The following CDH13 variants were observed in gnomAD, a reference collection of about 807,000 sequenced individuals.
CDH13 encodes cadherin-13.
CDH13 carries 24 observed loss-of-function variants against 63.8 expected under a neutral mutation model. The observed-to-expected ratio is 0.38, with a 90% CI of 0.27 to 0.53. CDH13 has a LOEUF of 0.53. Ranked by LOEUF, CDH13 falls within the 20% of genes least tolerant of loss-of-function variation. CDH13 has a pLI of 0.85. For synonymous variants in CDH13, 503 were observed against 355.3 expected (o/e 1.42, Z -4.67); for missense variants, 1,049 against 903.1 (o/e 1.16, Z -2.07).
chr16:83,439,132 A>G (rs2072409255), intron 6 of CDH13, among the ~76,000 whole-genome samples: 1 of 152,222 alleles, frequency 6.6e-6, no homozygotes. Context: ...CTGAACCTCC[A>G]TTTCTTCAAC....
At chr16:83,704,333 C>T (rs1014883021) in intron 10 of CDH13, among the ~76,000 whole-genome samples, 5 of 152,138 alleles carry the variant, frequency 3.3e-5, no homozygotes, top group Non-Finnish European at 7.4e-5. Context: ...AAAATGCACT[C>T]ATGTTCTCAT....
chr16:83,043,579 C>A (rs1917518868), intron 3 of CDH13, among the ~76,000 whole-genome samples: 1 of 150,666 alleles, frequency 6.6e-6, no homozygotes, highest in Non-Finnish European at 1.5e-5. Flanking sequence ...GTAATCAAGG[C>A]CAGGCACAAT....
At chr16:83,132,433 C>G (rs13336552) in intron 4 of CDH13, among the ~76,000 whole-genome samples, 26,846 of 98,944 alleles carry the variant, frequency 0.27, 4,354 homozygotes, top group African/African-American at 0.44. Context: ...TACCCCCCAC[C>G]CACCCCCCAA....
intron 7 of CDH13, among the ~76,000 whole-genome samples, chr16:83,506,457 A>G (rs2074398095): frequency 6.6e-6 from 1 of 152,192 alleles, no homozygotes; most frequent in Non-Finnish European, 1.5e-5. Context: ...AGTCTGACCC[A>G]TGCTTTCTGG....
At chr16:83,565,484 C>G (rs1448746686) in intron 7 of CDH13, among the ~76,000 whole-genome samples, 1 of 150,812 alleles carries the variant, frequency 6.6e-6, no homozygotes, top group African/African-American at 2.4e-5. Flanking sequence ...GATTCCACTC[C>G]TTGAGGACAT....
rs75123840 is a variant in CDH13 at position 83,324,995 on chromosome 16, C to T, written c.637-19867C>T. Reference sequence around the variant, plus strand: ...CTACTTGGTCCCCCTGGATTTTGTGCAGTTTTTCAAAGGTATGGGCATTTG... The same window carrying T: ...CTACTTGGTCCCCCTGGATTTTGTGTAGTTTTTCAAAGGTATGGGCATTTG... On this transcript the variant is annotated intron_variant, in intron 5 of 13. Transcript: ENST00000567109. Among the ~76,000 whole-genome samples the T allele has an allele frequency of 5.6e-3, 848 of 152,270 alleles. 3 individuals are homozygous for T. Among genetic ancestry groups the T allele is most frequent in the Middle Eastern group, 0.01 (3 of 294 alleles).
chr16:83,215,944 C>T (rs1488850215), intron 4 of CDH13, among the ~76,000 whole-genome samples: 1 of 151,966 alleles, frequency 6.6e-6, no homozygotes, highest in Non-Finnish European at 1.5e-5. Context: ...TCCACTTATG[C>T]CAATAATAGT....
intron 4 of CDH13, among the ~76,000 whole-genome samples, chr16:83,133,133 A>G (rs1309668716): frequency 2.6e-5 from 4 of 152,250 alleles, no homozygotes; most frequent in Non-Finnish European, 5.9e-5. Flanking sequence ...ATTGGGGCTC[A>G]AAAAGTAACA....
At chr16:82,717,227 C>T (rs1029127462) in intron 1 of CDH13, among the ~76,000 whole-genome samples, 11 of 151,800 alleles carry the variant, frequency 7.2e-5, no homozygotes, top group South Asian at 4.2e-4. Flanking sequence ...TAAGAGGATG[C>T]CAAATCACAT....
At chr16:83,220,008 A>G (rs7190370) in intron 5 of CDH13, among the ~76,000 whole-genome samples, 149,780 of 152,308 alleles carry the variant, frequency 0.98, 73,708 homozygotes, top group East Asian at 1. Flanking sequence ...GGGTACTGGT[A>G]TTTAGTGGGA....
chr16:82,778,925 G>A (rs780843583), intron 1 of CDH13, among the ~76,000 whole-genome samples: 7 of 152,078 alleles, frequency 4.6e-5, no homozygotes, highest in Non-Finnish European at 1.0e-4. Flanking sequence ...TACAAGTGTT[G>A]GTCTGAAGAA....
intron 8 of CDH13, among the ~76,000 whole-genome samples, chr16:83,663,729 A>G (rs1913665209): frequency 6.6e-6 from 1 of 152,146 alleles, no homozygotes; most frequent in South Asian, 2.1e-4. Context: ...GTTCATGGTT[A>G]CTGGAATTCT....
intron 1 of CDH13, among the ~76,000 whole-genome samples, chr16:82,837,257 T>C (rs1238647628): frequency 6.6e-6 from 1 of 152,150 alleles, no homozygotes; most frequent in Non-Finnish European, 1.5e-5. Flanking sequence ...GTCTGTAAAA[T>C]AGTGGTGGTG....
intron 7 of CDH13, among the ~76,000 whole-genome samples, chr16:83,582,842 C>T (rs1333099097): frequency 6.6e-6 from 1 of 152,196 alleles, no homozygotes; most frequent in African/African-American, 2.4e-5. Flanking sequence ...GACTTTCAGC[C>T]TGAACTCTAA....
In CDH13 at chr16:83,273,955, C is replaced by T. The variant is rs369818482; in HGVS notation, c.636+56458C>T. Among the ~76,000 whole-genome samples the T allele has an allele frequency of 3.3e-5, 5 of 152,284 alleles. No individual in the cohort carries two copies. In the East Asian group the frequency reaches 5.8e-4, roughly 18 times the overall value. Reference sequence around the variant, plus strand: ...TAATGATTCACCCATACTAGTCTATCATAGGCGGCAGTGCAGGTTTTGCCT... The same window carrying T: ...TAATGATTCACCCATACTAGTCTATTATAGGCGGCAGTGCAGGTTTTGCCT... On this transcript the variant is annotated intron_variant, in intron 5 of 13. Coordinates refer to ENST00000567109, the MANE Select transcript of CDH13 (RefSeq NM_001257.5).
At chr16:83,652,645 A>G (rs2150822729) in intron 8 of CDH13, among the ~76,000 whole-genome samples, 1 of 152,228 alleles carries the variant, frequency 6.6e-6, no homozygotes, top group East Asian at 1.9e-4. Context: ...TTCCTCACTC[A>G]GGAGCTGGAG....
chr16:83,135,810 A>G (rs1567864594), intron 4 of CDH13, among the ~76,000 whole-genome samples: 1 of 152,376 alleles, frequency 6.6e-6, no homozygotes, highest in East Asian at 1.9e-4. Flanking sequence ...AAACTGTGAC[A>G]TATGTATATA....
chr16:83,216,629 G>A (rs1364265600), intron 4 of CDH13, among the ~76,000 whole-genome samples: 1 of 139,788 alleles, frequency 7.2e-6, no homozygotes, highest in South Asian at 2.3e-4. Flanking sequence ...AATACATAGG[G>A]GTTTAATATA....
intron 1 of CDH13, among the ~76,000 whole-genome samples, chr16:82,818,903 C>G (rs1364530086): frequency 6.6e-6 from 1 of 152,140 alleles, no homozygotes; most frequent in Non-Finnish European, 1.5e-5. Context: ...TGAGTTATGC[C>G]TTTATAAAAC....
Sources: gnomAD v4.1 joint callset for allele counts (sites outside exome capture counted in the v4.1 genomes callset) on GRCh38, gnomAD v4.1.1 for gene constraint, MANE v1.5 for transcripts, NCBI Gene and HGNC (gene_info 2026-07-23, HGNC 2026-07-21) for gene names.